Variants in MBP observed in about 807,000 individuals in gnomAD.
MBP encodes the protein myelin basic protein.
MBP carries 16 observed loss-of-function variants against 35.8 expected under a neutral mutation model. The observed-to-expected ratio is 0.45, with a 90% CI of 0.30 to 0.68. The LOEUF is 0.68. Ranked by LOEUF, MBP falls within the 30% of genes least tolerant of loss-of-function variation. The pLI is 0.08. For synonymous variants in MBP, 143 were observed against 159.6 expected (o/e 0.90, Z 0.78); for missense variants, 380 against 404.7 (o/e 0.94, Z 0.52).
intron 3 of MBP, among the ~76,000 whole-genome samples, chr18:77,030,880 T>C (rs1207915685): frequency 6.6e-6 from 1 of 152,164 alleles, no homozygotes; most frequent in Non-Finnish European, 1.5e-5. Context: ...CCTTCTCTTA[T>C]GGGGACCAGT....
intron 3 of MBP, among the ~76,000 whole-genome samples, chr18:77,040,506 C>T (rs528898703): frequency 2.6e-5 from 4 of 152,310 alleles, no homozygotes; most frequent in Admixed American, 2.6e-4. Context: ...AAGCTGGAGG[C>T]ATCATGCTAC....
intron 3 of MBP, among the ~76,000 whole-genome samples, chr18:77,052,467 T>C (rs774569870): frequency 6.6e-6 from 1 of 152,222 alleles, no homozygotes; most frequent in Non-Finnish European, 1.5e-5. Flanking sequence ...TGTGCCATTG[T>C]AAGGTTTGTA....
intron 2 of MBP, among the ~76,000 whole-genome samples, chr18:77,073,860 A>C (rs1350905775): frequency 6.6e-6 from 1 of 152,140 alleles, no homozygotes; most frequent in Non-Finnish European, 1.5e-5. Flanking sequence ...TCACAGCCAA[A>C]CCCAACTTCA....
intron 3 of MBP, among the ~76,000 whole-genome samples, chr18:77,025,703 T>C (rs944396213): frequency 5.8e-5 from 8 of 137,048 alleles, no homozygotes; most frequent in Admixed American, 5.4e-4. Flanking sequence ...TCTATTGAAA[T>C]ACTTTTTTTT....
chr18:77,025,904 C>T (rs1972201426), intron 3 of MBP, among the ~76,000 whole-genome samples: 2 of 152,078 alleles, frequency 1.3e-5, no homozygotes, highest in Non-Finnish European at 1.5e-5. Context: ...TTCTGGCACA[C>T]GCAGGGGAGC....
chr18:77,121,848 G>T (rs1976893228), intron 1 of MBP, among the ~76,000 whole-genome samples: 2 of 152,136 alleles, frequency 1.3e-5, no homozygotes, highest in South Asian at 4.1e-4. Flanking sequence ...TACATTTTCA[G>T]ATAGCCGAAA....
chr18:76,997,659 C>T (rs74212638), intron 4 of MBP, among the ~76,000 whole-genome samples: 4,627 of 152,052 alleles, frequency 0.03, 192 homozygotes, highest in East Asian at 0.14. Flanking sequence ...CTGCGTGGCC[C>T]GCGTGGACGG....
chr18:77,060,921 T>C (rs900911135), intron 3 of MBP, among the ~76,000 whole-genome samples: 5 of 152,188 alleles, frequency 3.3e-5, no homozygotes, highest in Non-Finnish European at 7.3e-5. Flanking sequence ...GAGTCTGTCT[T>C]CTCTTGAGGC....
intron 2 of MBP, among the ~76,000 whole-genome samples, chr18:77,074,300 G>T (rs777811975): frequency 2.6e-5 from 4 of 151,400 alleles, no homozygotes; most frequent in Non-Finnish European, 5.9e-5. Flanking sequence ...TCCCCAAGGG[G>T]GTTCAGTGAG....
chr18:76,991,517 G>A (rs1969916514), intron 4 of MBP, among the ~76,000 whole-genome samples: 2 of 152,170 alleles, frequency 1.3e-5, no homozygotes, highest in Admixed American at 1.3e-4. Context: ...GCCCAACAGC[G>A]GTGAATGCGC....
At chr18:77,070,773 A>G in intron 2 of MBP, among the ~76,000 whole-genome samples, 1 of 152,114 alleles carries the variant, frequency 6.6e-6, no homozygotes, top group Non-Finnish European at 1.5e-5. Flanking sequence ...GAATTGTGGA[A>G]GCGCAATTCA....
chr18:77,105,315 TA>T, intron 1 of MBP, 29 bp from the exon 2 acceptor site: 1 of 1,395,868 alleles, frequency 7.2e-7, no homozygotes, highest in Non-Finnish European at 1.0e-6. Context: ...GTGTCAGCCC[TA>T]AGTCTAGTGC....
At chr18:77,057,118 A>T (rs561357119) in intron 3 of MBP, among the ~76,000 whole-genome samples, 57 of 152,290 alleles carry the variant, frequency 3.7e-4, no homozygotes, top group Non-Finnish European at 7.8e-4. Flanking sequence ...TTTTAATGAT[A>T]TAAAGTATCA....
chr18:76,989,117 G>C lies in MBP; in HGVS notation c.682-205C>G, dbSNP rs2123127047. 1.4e-6 allele frequency: 1 copy of C among 699,876 alleles called. No homozygotes were observed. The highest frequency in any genetic ancestry group is 2.7e-5 in the East Asian group (1 of 37,094). The allele number at this position is 699,876 out of a possible 1,614,324, so 43.4% of individuals were successfully genotyped here. On this transcript the variant is annotated intron_variant, in intron 5 of 8. Transcript: ENST00000355994. This position sits in a 1 kb window ranked among gnomAD's most constrained non-coding sequence, Gnocchi z 4.0. ...TTCTAGATGATGCAGATCTCCCAGA[G>C]CACTCAGGAAGTGTTTCAGAGGATG...
At position 76,985,073 on chromosome 18, in the gene MBP, C is replaced by T. The variant is rs1226016017; in HGVS notation, c.751-179G>A. ...GGGGGTGGGGGCGGGAGAGGCTGCT[C>T]CCCCAGGTCTACCAGGGTGTTGGCC... On this transcript the variant is annotated intron_variant, in intron 7 of 8. Coordinates refer to ENST00000355994, the MANE Select transcript of MBP (RefSeq NM_001025101.2). 11 of 1,501,856 alleles carry T rather than the reference C, an allele frequency of 7.3e-6. No individual in the cohort carries two copies. The East Asian group carries it at 7.3e-5, about 10-fold the overall frequency. 93.0% of individuals were successfully genotyped at this position (1,501,856 alleles called of 1,614,324 possible). A position where few individuals can be genotyped will look rare whatever the true frequency, so the allele number is the denominator to read the frequency against.
At chr18:77,100,405 G>A (rs1431859548) in intron 2 of MBP, among the ~76,000 whole-genome samples, 1 of 152,186 alleles carries the variant, frequency 6.6e-6, no homozygotes, top group Non-Finnish European at 1.5e-5. Flanking sequence ...TGTTATGGCA[G>A]CCCCAAGAAC....
At chr18:77,055,099 C>T (rs887915956) in intron 3 of MBP, among the ~76,000 whole-genome samples, 5 of 152,220 alleles carry the variant, frequency 3.3e-5, no homozygotes, top group Non-Finnish European at 4.4e-5. Context: ...GCACGCACAT[C>T]GTGGATGGAG....
At chr18:77,090,756 T>C (rs1423866228) in intron 2 of MBP, among the ~76,000 whole-genome samples, 1 of 152,196 alleles carries the variant, frequency 6.6e-6, no homozygotes, top group Non-Finnish European at 1.5e-5. Context: ...CGGCGGACTC[T>C]CCTCTCTGAA....
intron 2 of MBP, among the ~76,000 whole-genome samples, chr18:77,075,454 C>T (rs59716192): frequency 0.2 from 30,824 of 152,116 alleles, 3,379 homozygotes; most frequent in South Asian, 0.33. Flanking sequence ...CAGACGGCAG[C>T]GAGAAGGTGG....
Sources: allele counts gnomAD v4.1 joint callset (sites outside exome capture counted in the v4.1 genomes callset), GRCh38; gene constraint gnomAD v4.1.1; non-coding constraint Gnocchi (gnomAD v3.1); transcripts MANE v1.5; gene names NCBI Gene and HGNC (gene_info 2026-07-23, HGNC 2026-07-21).